The following PTPN14 variants were observed in gnomAD, a reference collection of about 807,000 sequenced individuals.
PTPN14 encodes the protein tyrosine-protein phosphatase non-receptor type 14.
In PTPN14, 53 loss-of-function variants were observed where a neutral mutation model predicts 126.8. The observed-to-expected ratio is 0.42, with a 90% CI of 0.34 to 0.53. PTPN14 has a LOEUF of 0.53. Among genes scored for constraint, PTPN14 ranks in the 20% least tolerant of loss-of-function variants. The probability of loss-of-function intolerance (pLI) is 0.08; values close to 1 mark genes in which losing one functional copy is unlikely to be tolerated. For missense variants in PTPN14, 1,257 were observed against 1,552.9 expected (o/e 0.81, Z 3.20); for synonymous variants, 630 against 599.3 (o/e 1.05, Z -0.75).
chr1:214,416,244 T>C (rs1260436216), intron 3 of PTPN14, among the ~76,000 whole-genome samples: 1 of 152,202 alleles, frequency 6.6e-6, no homozygotes, highest in East Asian at 1.9e-4. Flanking sequence ...TAGTGTACTA[T>C]CTAAGGATTC....
At chr1:214,499,938 G>C (rs1401711758) in intron 1 of PTPN14, among the ~76,000 whole-genome samples, 3 of 151,764 alleles carry the variant, frequency 2.0e-5, no homozygotes, top group Admixed American at 2.0e-4. Context: ...TGTGCCAGCA[G>C]GCTTGAGGAG....
chr1:214,444,351 G>A (rs1558105041), intron 3 of PTPN14, among the ~76,000 whole-genome samples: 1 of 152,168 alleles, frequency 6.6e-6, no homozygotes, highest in Non-Finnish European at 1.5e-5. Context: ...GCCAGGAGGA[G>A]AATTTGCTAT....
intron 15 of PTPN14, 32 bp from the exon 16 acceptor site, chr1:214,372,871 C>T (rs774432289): frequency 6.2e-7 from 1 of 1,611,734 alleles, no homozygotes; most frequent in South Asian, 1.1e-5. Context: ...GGTAAATAAA[C>T]CCCAAGTCCG....
At chr1:214,440,427 A>T (rs763297950) in intron 3 of PTPN14, among the ~76,000 whole-genome samples, 73 of 152,244 alleles carry the variant, frequency 4.8e-4, no homozygotes, top group Admixed American at 3.9e-4. Flanking sequence ...TTTTATGGGT[A>T]ATCAGAGATG....
At chr1:214,398,522 C>T (rs1365230314) in intron 7 of PTPN14, among the ~76,000 whole-genome samples, 2 of 152,004 alleles carry the variant, frequency 1.3e-5, no homozygotes, top group African/African-American at 4.8e-5. Flanking sequence ...TTTTGGCTCA[C>T]TGCAGCCTTG....
intron 4 of PTPN14, among the ~76,000 whole-genome samples, chr1:214,412,851 G>A (rs929965834): frequency 1.3e-5 from 2 of 152,118 alleles, no homozygotes; most frequent in African/African-American, 2.4e-5. Context: ...AGTACATGCA[G>A]TAAACAAAGC....
intron 3 of PTPN14, among the ~76,000 whole-genome samples, chr1:214,432,457 T>C (rs549492144): frequency 1.3e-4 from 20 of 152,334 alleles, no homozygotes; most frequent in African/African-American, 4.3e-4. Context: ...TCAGCAGAAA[T>C]AAGTACATTC....
At chr1:214,429,384 ATTGT>A (rs1659746565) in intron 3 of PTPN14, among the ~76,000 whole-genome samples, 1 of 152,200 alleles carries the variant, frequency 6.6e-6, no homozygotes, top group Non-Finnish European at 1.5e-5. Flanking sequence ...TTGTTTCACA[ATTGT>A]TTGAGAGAAT....
At chr1:214,487,758 T>TGACC (rs1661148085) in intron 1 of PTPN14, among the ~76,000 whole-genome samples, 1 of 152,204 alleles carries the variant, frequency 6.6e-6, no homozygotes, top group Non-Finnish European at 1.5e-5. Context: ...AGCTAACATG[T>TGACC]TAAGCAGTGA....
intron 1 of PTPN14, among the ~76,000 whole-genome samples, chr1:214,543,342 GTTTT>G (rs1045952749): frequency 2.8e-4 from 42 of 152,076 alleles, no homozygotes; most frequent in Admixed American, 5.2e-4. Flanking sequence ...AAATTACCAT[GTTTT>G]TTAAGTATCC....
In PTPN14 at chr1:214,384,467, C is replaced by T. The variant is rs1658560049; in HGVS notation, c.1388G>A (p.Ser463Asn). 1 of 1,614,056 alleles carries T rather than the reference C, an allele frequency of 6.2e-7. No individual in the cohort carries two copies. Among genetic ancestry groups the T allele is most frequent in the African/African-American group, 1.3e-5 (1 of 74,914 alleles). Residue 463 changes from serine (S) to asparagine (N), a missense_variant, in exon 13 of 19, where the codon AGC becomes AAC. Ser to Asn is a conservative substitution (Grantham distance 46). Around this residue, in one of 3 missense-constraint regions of PTPN14, gnomAD observed 1,021 missense variants for 1,183.3 expected, o/e 0.86. Transcript: ENST00000366956. This position sits in a 1 kb window ranked among gnomAD's most constrained non-coding sequence, Gnocchi z 5.3. ...KRGILHTDSQSQSLRNLNIIN... is the reference protein window; with the variant it reads ...KRGILHTDSQNQSLRNLNIIN... ...AATGTTGAGGTTTCTCAGAGACTGG[C>T]TCTGGCTGTCTGTATGCAGGATCCC... is the stretch of plus-strand genomic sequence containing the variant.
chr1:214,433,951 CAAAAAAAAA>C (rs1158472144), intron 3 of PTPN14, among the ~76,000 whole-genome samples: 5,176 of 98,546 alleles, frequency 0.053, 168 homozygotes, highest in Non-Finnish European at 0.065. Flanking sequence ...CACACACACA[CAAAAAAAAA>C]AAAAAAAAAA....
chr1:214,542,973 G>A (rs922390720), intron 1 of PTPN14, among the ~76,000 whole-genome samples: 3 of 152,128 alleles, frequency 2.0e-5, no homozygotes, highest in African/African-American at 7.2e-5. Context: ...GTGATTTGGG[G>A]GGGAATATCA....
At chr1:214,388,480 C>G (rs930984346) in intron 11 of PTPN14, among the ~76,000 whole-genome samples, 2 of 152,010 alleles carry the variant, frequency 1.3e-5, no homozygotes, top group African/African-American at 4.8e-5. Flanking sequence ...AATCTCGGCT[C>G]ACTGCAACCT....
chr1:214,437,554 CAGA>C (rs1160791288), intron 3 of PTPN14, among the ~76,000 whole-genome samples: 8 of 152,184 alleles, frequency 5.3e-5, no homozygotes, highest in African/African-American at 1.9e-4. Flanking sequence ...TTGTGCATTA[CAGA>C]AGTTGAACTA....
intron 1 of PTPN14, among the ~76,000 whole-genome samples, chr1:214,522,005 C>T (rs1278791204): frequency 2.1e-5 from 3 of 141,472 alleles, no homozygotes; most frequent in Non-Finnish European, 3.0e-5. Context: ...GGCACGATCT[C>T]GGCTCACTGC....
intron 1 of PTPN14, among the ~76,000 whole-genome samples, chr1:214,536,450 T>G (rs923673003): frequency 6.6e-6 from 1 of 152,108 alleles, no homozygotes; most frequent in African/African-American, 2.4e-5. Context: ...AGAGGATTTA[T>G]AGTATATCAA....
At chr1:214,484,518 C>A (rs763294762) in intron 1 of PTPN14, among the ~76,000 whole-genome samples, 3 of 152,168 alleles carry the variant, frequency 2.0e-5, no homozygotes, top group Non-Finnish European at 4.4e-5. Context: ...TGAAAAATCG[C>A]TTCAAATCAT....
chr1:214,467,221 TAGAC>T (rs1387283416), intron 1 of PTPN14, among the ~76,000 whole-genome samples: 1 of 143,412 alleles, frequency 7.0e-6, no homozygotes, highest in Non-Finnish European at 1.5e-5. Context: ...AAAATTCAAA[TAGAC>T]AGCCCTTAGA....
Sources: allele counts gnomAD v4.1 joint callset (sites outside exome capture counted in the v4.1 genomes callset), GRCh38; gene constraint gnomAD v4.1.1; regional missense constraint gnomAD v4.1.1; non-coding constraint Gnocchi (gnomAD v3.1); transcripts MANE v1.5; gene names NCBI Gene and HGNC (gene_info 2026-07-23, HGNC 2026-07-21).